Variants in MRTFA observed in about 807,000 individuals in gnomAD.
MRTFA encodes the protein myocardin-related transcription factor A.
In MRTFA, 20 loss-of-function variants were observed where a neutral mutation model predicts 83.5. The ratio of observed to expected loss-of-function variants is 0.24; its 90% CI spans 0.17 to 0.35. MRTFA has a LOEUF of 0.35. Among genes scored for constraint, MRTFA ranks in the 10% least tolerant of loss-of-function variants. The probability of loss-of-function intolerance (pLI) is 1.00; values close to 1 mark genes in which losing one functional copy is unlikely to be tolerated. For synonymous variants in MRTFA, 659 were observed against 541.2 expected, an observed-to-expected ratio of 1.22 and a Z score of -3.02; for missense variants, 1,200 against 1,224.7, an observed-to-expected ratio of 0.98 and a Z score of 0.30.
chr22:40,602,119 C>T (rs2074302440), intron 1 of MRTFA, among the ~76,000 whole-genome samples: 2 of 152,190 alleles, frequency 1.3e-5, no homozygotes, highest in Non-Finnish European at 2.9e-5. Flanking sequence ...AAGAACAACA[C>T]AGAGAGGGAC....
At chr22:40,605,612 TA>T (rs1323427390) in intron 1 of MRTFA, among the ~76,000 whole-genome samples, 1 of 152,256 alleles carries the variant, frequency 6.6e-6, no homozygotes, top group Admixed American at 6.5e-5. Context: ...TCATTCTTGT[TA>T]CTCTGGAAAG....
intron 3 of MRTFA, among the ~76,000 whole-genome samples, chr22:40,525,373 G>A (rs939641379): frequency 1.2e-4 from 18 of 152,012 alleles, no homozygotes; most frequent in Non-Finnish European, 2.4e-4. Context: ...GCCCAGGCTG[G>A]TCTTGAACTC....
chr22:40,634,094 ATTTT>A (rs149996138), intron 1 of MRTFA, among the ~76,000 whole-genome samples: 2 of 144,450 alleles, frequency 1.4e-5, no homozygotes, highest in African/African-American at 5.1e-5. Context: ...ATTTATCAGG[ATTTT>A]TTTTTTTTTT....
chr22:40,463,635 C>T (rs947490646), intron 3 of MRTFA, among the ~76,000 whole-genome samples: 3 of 152,228 alleles, frequency 2.0e-5, no homozygotes, highest in South Asian at 2.1e-4. Context: ...ACGAGGACCA[C>T]CACCCAGCAA....
rs1229267599 is a variant in MRTFA at position 40,454,152 on chromosome 22, AG to A, written c.307+9068del. ...CCTATTCCTTTTGGGTGGGGGTGTG[AG>A]GGAGGCAGGGTCTCACTCTGTTGCC... is the stretch of plus-strand genomic sequence containing the variant. On this transcript the variant is annotated intron_variant, in intron 4 of 14. Coordinates refer to ENST00000355630, the MANE Select transcript of MRTFA (RefSeq NM_020831.6). Among the ~76,000 whole-genome samples, 4 of 152,282 alleles carry A rather than the reference AG, an allele frequency of 2.6e-5. 1 individual carries two copies. Among genetic ancestry groups the A allele is most frequent in the Non-Finnish European group, 4.4e-5 (3 of 68,004 alleles).
At chr22:40,569,644 G>A (rs2055756245) in intron 2 of MRTFA, 1 of 149,708 alleles carries the variant, frequency 6.7e-6, no homozygotes, top group Admixed American at 6.6e-5. Context: ...GAAACTGAGA[G>A]ATGGAGTTTG....
At position 40,420,457 on chromosome 22, in the gene MRTFA, G is replaced by A. The variant is rs776853889; in HGVS notation, c.1301C>T (p.Thr434Ile). ...GGCTCCCGGCTTGCCAGTCAGTGAG[G>A]TGCTGTTCTGACGTGCCAGCCCACA... is the stretch of plus-strand genomic sequence containing the variant. The change falls in exon 11 of 15, where the codon ACC becomes ATC. Residue 434 changes from threonine (T) to isoleucine (I), a missense_variant. By Grantham distance (89) the Thr-to-Ile change is moderately conservative. Coordinates refer to ENST00000355630, the MANE Select transcript of MRTFA (RefSeq NM_020831.6). 6 of 1,613,666 alleles carry A rather than the reference G, an allele frequency of 3.7e-6. No homozygotes were observed. The Admixed American group carries it at 1.0e-4, about 27-fold the overall frequency.
At chr22:40,591,570 A>C (rs539236215) in intron 2 of MRTFA, among the ~76,000 whole-genome samples, 1 of 152,340 alleles carries the variant, frequency 6.6e-6, no homozygotes, top group East Asian at 1.9e-4. Context: ...GGTGTTTACA[A>C]GGGATCTTTC....
intron 4 of MRTFA, among the ~76,000 whole-genome samples, chr22:40,456,297 T>C (rs192282629): frequency 2.6e-5 from 4 of 151,930 alleles, no homozygotes; most frequent in Non-Finnish European, 2.9e-5. Context: ...AACTTTGCTG[T>C]GAAACTGAAA....
At chr22:40,581,976 T>C (rs944636476) in intron 2 of MRTFA, among the ~76,000 whole-genome samples, 1 of 152,236 alleles carries the variant, frequency 6.6e-6, no homozygotes, top group Non-Finnish European at 1.5e-5. Context: ...CAGTGGATTT[T>C]AGTGTAATTT....
chr22:40,626,648 T>A (rs1200095064), intron 1 of MRTFA, among the ~76,000 whole-genome samples: 3 of 152,158 alleles, frequency 2.0e-5, no homozygotes, highest in African/African-American at 7.2e-5. Context: ...TATACACATA[T>A]ATATGGCAAA....
intron 3 of MRTFA, among the ~76,000 whole-genome samples, chr22:40,544,622 A>C (rs2055336051): frequency 6.6e-6 from 1 of 152,258 alleles, no homozygotes. Flanking sequence ...TTAAGCAACA[A>C]CAAACTAGTA....
intron 3 of MRTFA, chr22:40,523,231 CTAAT>C (rs1304284815): frequency 8.5e-5 from 13 of 152,084 alleles, no homozygotes; most frequent in Admixed American, 6.5e-4. Context: ...TTCTTCCATA[CTAAT>C]TAGACATCAT....
intron 4 of MRTFA, among the ~76,000 whole-genome samples, chr22:40,460,731 A>G (rs1390833568): frequency 6.6e-6 from 1 of 152,210 alleles, no homozygotes; most frequent in African/African-American, 2.4e-5. Flanking sequence ...CTACCTGATC[A>G]CATTGCTGAT....
At chr22:40,460,414 T>C (rs184886114) in intron 4 of MRTFA, among the ~76,000 whole-genome samples, 64 of 152,360 alleles carry the variant, frequency 4.2e-4, no homozygotes, top group African/African-American at 1.4e-3. Flanking sequence ...AGTAGCATTA[T>C]GCTCTCAGAA....
rs2056570954 is a variant in MRTFA, at chr22:40,625,450, TAAATAAA to T, written c.-84+11021_-84+11027del. 2.8e-4 allele frequency among the ~76,000 whole-genome samples: 6 copies of T among 21,562 alleles called. No individual in the cohort carries two copies. The East Asian group carries it at 0.054, about 195-fold the overall frequency. The allele number at this position is 21,562 out of a possible 152,430, so 14.1% of individuals were successfully genotyped here. On this transcript the variant is annotated intron_variant, in intron 1 of 14. Coordinates refer to ENST00000355630, the MANE Select transcript of MRTFA (RefSeq NM_020831.6). ...AGGCAACATAGCAAGGCCCTCTCTC[TAAATAAA>T]TAAATAAATAAATAAATAAATAAAT...
chr22:40,622,667 G>C (rs2056538109), intron 1 of MRTFA, among the ~76,000 whole-genome samples: 1 of 152,122 alleles, frequency 6.6e-6, no homozygotes, highest in Admixed American at 6.5e-5. Context: ...GCCACCAGAA[G>C]GTGGAAGAGG....
At chr22:40,603,454 A>G (rs2056282754) in intron 1 of MRTFA, among the ~76,000 whole-genome samples, 2 of 152,200 alleles carry the variant, frequency 1.3e-5, no homozygotes, top group Admixed American at 1.3e-4. Context: ...CTTAACTACC[A>G]TAACATATTC....
intron 2 of MRTFA, among the ~76,000 whole-genome samples, chr22:40,558,216 G>A (rs1224568605): frequency 7.1e-6 from 1 of 140,770 alleles, no homozygotes; most frequent in African/African-American, 2.7e-5. Context: ...CCCACAAGTA[G>A]CTAGGACTAC....
Sources: allele counts gnomAD v4.1 joint callset (sites outside exome capture counted in the v4.1 genomes callset), GRCh38; gene constraint gnomAD v4.1.1; transcripts MANE v1.5; gene names NCBI Gene and HGNC (gene_info 2026-07-23, HGNC 2026-07-21).